The following CNTNAP5 variants were observed in gnomAD, a reference collection of about 807,000 sequenced individuals.
The protein encoded by CNTNAP5 is contactin-associated protein-like 5.
A neutral mutation model predicts 150.2 loss-of-function variants in CNTNAP5; 72 were observed. The observed-to-expected ratio is 0.48, with a 90% CI of 0.40 to 0.58. The LOEUF is 0.58. CNTNAP5 is among the 20% of genes least tolerant of loss of function. The probability of loss-of-function intolerance (pLI) is 0.00; values close to 1 mark genes in which losing one functional copy is unlikely to be tolerated. For synonymous variants in CNTNAP5, 672 were observed against 619.8 expected (o/e 1.08, Z -1.25); for missense variants, 1,636 against 1,626.2 (o/e 1.01, Z -0.10).
chr2:124,035,995 G>T (rs1363547872), intron 1 of CNTNAP5, among the ~76,000 whole-genome samples: 1 of 140,276 alleles, frequency 7.1e-6, no homozygotes, highest in Non-Finnish European at 1.5e-5. Context: ...CGCAATCTCG[G>T]CTCACTGCAA....
chr2:124,106,735 A>C (rs1474466671), intron 1 of CNTNAP5, among the ~76,000 whole-genome samples: 1 of 152,158 alleles, frequency 6.6e-6, no homozygotes, highest in East Asian at 1.9e-4. Context: ...GAAACTGAGG[A>C]GGGGTTTGTG....
intron 1 of CNTNAP5, among the ~76,000 whole-genome samples, chr2:124,120,728 CA>C (rs1279334497): frequency 2.0e-5 from 3 of 152,016 alleles, no homozygotes; most frequent in Admixed American, 1.3e-4. Context: ...TGAATGGAAG[CA>C]AAAAGAGTGT....
intron 4 of CNTNAP5, among the ~76,000 whole-genome samples, chr2:124,426,207 A>T (rs1226212603): frequency 6.6e-6 from 1 of 152,030 alleles, no homozygotes. Context: ...CTGTTTTTTC[A>T]TGTGCTATCA....
intron 19 of CNTNAP5, among the ~76,000 whole-genome samples, chr2:124,800,746 T>A (rs186523048): frequency 2.7e-4 from 41 of 152,336 alleles, no homozygotes; most frequent in African/African-American, 8.9e-4. Flanking sequence ...TGTTTTAAAG[T>A]CCTGGCTACA....
chr2:124,513,011 G>A (rs183093323), intron 8 of CNTNAP5, among the ~76,000 whole-genome samples: 1 of 152,252 alleles, frequency 6.6e-6, no homozygotes, highest in African/African-American at 2.4e-5. Context: ...GGCAGGCCAG[G>A]TGCCTTGTTT....
chr2:124,587,364 A>T (rs568080267), intron 11 of CNTNAP5, among the ~76,000 whole-genome samples: 1 of 152,200 alleles, frequency 6.6e-6, no homozygotes, highest in Non-Finnish European at 1.5e-5. Context: ...TTACCATAGT[A>T]TTGAATCAAC....
chr2:124,557,074 G>C (rs1695774640), intron 10 of CNTNAP5, among the ~76,000 whole-genome samples: 1 of 151,074 alleles, frequency 6.6e-6, no homozygotes, highest in Non-Finnish European at 1.5e-5. Context: ...GATCCAATTA[G>C]AGGACAATTA....
At chr2:124,179,400 T>A (rs948872302) in intron 1 of CNTNAP5, among the ~76,000 whole-genome samples, 1 of 152,168 alleles carries the variant, frequency 6.6e-6, no homozygotes, top group Non-Finnish European at 1.5e-5. Context: ...CCTTAGGTGA[T>A]CTGCCCGCCT....
At chr2:124,381,710 C>T (rs780527111) in intron 3 of CNTNAP5, among the ~76,000 whole-genome samples, 1 of 151,988 alleles carries the variant, frequency 6.6e-6, no homozygotes, top group African/African-American at 2.4e-5. Flanking sequence ...AGAGGTCGAG[C>T]GGGACCTACA....
chr2:124,789,775 T>G, intron 17 of CNTNAP5, 127 bp from the exon 18 acceptor site: 1 of 827,738 alleles, frequency 1.2e-6, no homozygotes, highest in South Asian at 2.0e-5. Flanking sequence ...GAAACTTTAA[T>G]AAAAAAATTA....
intron 13 of CNTNAP5, among the ~76,000 whole-genome samples, chr2:124,662,514 A>C (rs1678613644): frequency 6.6e-6 from 1 of 152,220 alleles, no homozygotes; most frequent in African/African-American, 2.4e-5. Context: ...TGTGTATTAC[A>C]ACAGCCGTTA....
At chr2:124,844,891 C>T (rs1683016201) in intron 19 of CNTNAP5, among the ~76,000 whole-genome samples, 1 of 151,978 alleles carries the variant, frequency 6.6e-6, no homozygotes, top group Non-Finnish European at 1.5e-5. Flanking sequence ...TTAGAGTTTT[C>T]TAGGTATACA....
intron 17 of CNTNAP5, among the ~76,000 whole-genome samples, chr2:124,784,913 C>T (rs1029161915): frequency 6.6e-6 from 1 of 151,796 alleles, no homozygotes; most frequent in African/African-American, 2.4e-5. Context: ...CCTTCTTTCC[C>T]ATTGACAATT....
At chr2:124,492,588 A>T (rs1694055840) in intron 7 of CNTNAP5, among the ~76,000 whole-genome samples, 1 of 152,034 alleles carries the variant, frequency 6.6e-6, no homozygotes, top group South Asian at 2.1e-4. Context: ...AAATGTAAGG[A>T]TTTTTTTATT....
chr2:124,910,634 C>G (rs150550533), intron 22 of CNTNAP5, among the ~76,000 whole-genome samples: 1 of 152,082 alleles, frequency 6.6e-6, no homozygotes, highest in East Asian at 2.0e-4. Flanking sequence ...TTGCCTCTTT[C>G]ATGAATGATC....
chr2:124,447,443 C>T (rs1473670146), intron 6 of CNTNAP5, among the ~76,000 whole-genome samples: 1 of 152,132 alleles, frequency 6.6e-6, no homozygotes, highest in Admixed American at 6.5e-5. Context: ...GTGAAATGAA[C>T]CAGTTCAATG....
At chr2:124,123,323 C>T (rs1257044400) in intron 1 of CNTNAP5, among the ~76,000 whole-genome samples, 3 of 152,198 alleles carry the variant, frequency 2.0e-5, no homozygotes, top group East Asian at 1.9e-4. Flanking sequence ...AGTCTGAGAT[C>T]GAACTGCAAA....
intron 13 of CNTNAP5, among the ~76,000 whole-genome samples, chr2:124,653,703 G>A (rs1331174002): frequency 6.6e-6 from 1 of 150,846 alleles, no homozygotes; most frequent in South Asian, 2.1e-4. Context: ...ATACTCTGGG[G>A]TTCACAAAAC....
chr2:124,323,239 C>T (rs1158238203), intron 3 of CNTNAP5, among the ~76,000 whole-genome samples: 2 of 152,168 alleles, frequency 1.3e-5, no homozygotes, highest in African/African-American at 2.4e-5. Context: ...TCTCATGCAA[C>T]TCAGAAACTT....
Sources: gnomAD v4.1 joint callset for allele counts (sites outside exome capture counted in the v4.1 genomes callset) on GRCh38, gnomAD v4.1.1 for gene constraint, MANE v1.5 for transcripts, NCBI Gene and HGNC (gene_info 2026-07-23, HGNC 2026-07-21) for gene names.